DPY19L1: variants seen among roughly 807,000 people sequenced by gnomAD.
The protein encoded by DPY19L1 is dpy-19 like C-mannosyltransferase 1.
In DPY19L1, 35 loss-of-function variants were observed where a neutral mutation model predicts 96.9. The ratio of observed to expected loss-of-function variants is 0.36; its 90% confidence interval spans 0.28 to 0.48. The LOEUF is 0.48. Ranked by LOEUF, DPY19L1 falls within the 20% of genes least tolerant of loss-of-function variation. The pLI is 0.99. For missense variants in DPY19L1, 521 were observed against 777.9 expected (o/e 0.67, Z 3.93); for synonymous variants, 205 against 252.6 (o/e 0.81, Z 1.79).
intron 6 of DPY19L1, among the ~76,000 whole-genome samples, chr7:35,005,532 C>T (rs1313867198): frequency 1.3e-5 from 2 of 150,094 alleles, no homozygotes; most frequent in Non-Finnish European, 1.5e-5. Context: ...GGCACAGTGG[C>T]TCACACCTGT....
chr7:34,994,937 G>A (rs928410469), intron 6 of DPY19L1, among the ~76,000 whole-genome samples: 10 of 152,100 alleles, frequency 6.6e-5, no homozygotes, highest in African/African-American at 1.4e-4. Flanking sequence ...GCAGAGCCAC[G>A]GTGACAACAT....
At chr7:34,999,134 C>T (rs1461772023) in intron 6 of DPY19L1, among the ~76,000 whole-genome samples, 1 of 152,080 alleles carries the variant, frequency 6.6e-6, no homozygotes, top group Non-Finnish European at 1.5e-5. Flanking sequence ...ACAAAGTATG[C>T]GATGAGAAGG....
At chr7:34,935,906 T>C (rs573213173) in intron 21 of DPY19L1, among the ~76,000 whole-genome samples, 8 of 152,198 alleles carry the variant, frequency 5.3e-5, no homozygotes, top group Non-Finnish European at 1.0e-4. Flanking sequence ...TGTGTCAAGG[T>C]TGAAGCAGAG....
At chr7:34,997,298 A>C (rs1413033090) in intron 6 of DPY19L1, among the ~76,000 whole-genome samples, 2 of 142,076 alleles carry the variant, frequency 1.4e-5, no homozygotes, top group Admixed American at 7.1e-5. Context: ...ATATTAATTC[A>C]AAAAAAAAAA....
At chr7:34,932,321 G>A (rs1199769595) in intron 21 of DPY19L1, among the ~76,000 whole-genome samples, 7 of 152,108 alleles carry the variant, frequency 4.6e-5, no homozygotes, top group Non-Finnish European at 8.8e-5. Flanking sequence ...CCAACATCAC[G>A]GCTTAGCCTA....
chr7:35,028,982 A>G (rs1786196812), intron 1 of DPY19L1, among the ~76,000 whole-genome samples: 1 of 152,186 alleles, frequency 6.6e-6, no homozygotes, highest in South Asian at 2.1e-4. Flanking sequence ...GGTCACTTTC[A>G]TCGCCATCTT....
At chr7:34,989,758 G>A in intron 7 of DPY19L1, 126 bp downstream of exon 7, 1 of 747,850 alleles carries the variant, frequency 1.3e-6, no homozygotes, top group Non-Finnish European at 2.1e-6. Flanking sequence ...TCAAATGAAT[G>A]CTAGTGTTTA....
intron 1 of DPY19L1, among the ~76,000 whole-genome samples, chr7:35,033,308 G>C (rs972646616): frequency 1.3e-5 from 2 of 151,926 alleles, no homozygotes; most frequent in Non-Finnish European, 2.9e-5. Context: ...ATCTCAGCTT[G>C]TTTCTTTCCT....
upstream of DPY19L1, chr7:35,037,789 C>T (rs926050871): frequency 6.7e-6 from 8 of 1,202,784 alleles, no homozygotes; most frequent in East Asian, 1.7e-4. Flanking sequence ...AGGCGGGGCC[C>T]GACCCCTCTG....
intron 3 of DPY19L1, among the ~76,000 whole-genome samples, chr7:35,016,049 C>T (rs1386264779): frequency 6.7e-6 from 1 of 149,570 alleles, no homozygotes; most frequent in Non-Finnish European, 1.5e-5. Context: ...AATATAAATT[C>T]ATGATTTCTT....
intron 13 of DPY19L1, among the ~76,000 whole-genome samples, chr7:34,950,379 CT>C (rs1472225849): frequency 6.6e-6 from 1 of 152,198 alleles, no homozygotes. Context: ...TACTTCTTGA[CT>C]GATAATCACC....
intron 15 of DPY19L1, among the ~76,000 whole-genome samples, chr7:34,946,716 G>GCT (rs922381067): frequency 6.6e-5 from 10 of 152,214 alleles, no homozygotes; most frequent in African/African-American, 2.4e-4. Flanking sequence ...AACGATAGGG[G>GCT]AAGGTGCAGA....
At chr7:35,010,132 A>C (rs1785669287) in intron 6 of DPY19L1, among the ~76,000 whole-genome samples, 1 of 151,186 alleles carries the variant, frequency 6.6e-6, no homozygotes, top group Non-Finnish European at 1.5e-5. Flanking sequence ...CAGGAGGCTG[A>C]AGTGGGAGGA....
intron 6 of DPY19L1, among the ~76,000 whole-genome samples, chr7:35,004,960 C>T (rs1375855880): frequency 6.6e-6 from 1 of 152,120 alleles, no homozygotes; most frequent in Non-Finnish European, 1.5e-5. Flanking sequence ...TCCAGAAGAC[C>T]TCCTCAGATG....
chr7:35,033,878 G>A (rs1017745457), intron 1 of DPY19L1, among the ~76,000 whole-genome samples: 5 of 151,912 alleles, frequency 3.3e-5, no homozygotes, highest in East Asian at 1.9e-4. Flanking sequence ...AGACATTTTC[G>A]TTGTCACTAC....
At chr7:34,959,579 C>G (rs183138107) in intron 10 of DPY19L1, among the ~76,000 whole-genome samples, 1 of 152,058 alleles carries the variant, frequency 6.6e-6, no homozygotes, top group East Asian at 1.9e-4. Flanking sequence ...ATAGATGAAG[C>G]TGGAAGCCAT....
rs566243501 is a variant in DPY19L1 at position 34,939,218 on chromosome 7, C to T, written c.1964+58G>A. The T allele has an allele frequency of 3.2e-5, 46 of 1,452,814 alleles. No individual in the cohort carries two copies. The East Asian group carries it at 8.2e-4, about 26-fold the overall frequency. The allele number at this position is 1,452,814 out of a possible 1,614,324, so 90.0% of individuals were successfully genotyped here. On this transcript the variant is annotated intron_variant, in intron 20 of 21. Transcript: ENST00000638088. ...TCCTTATTACTTTGCTGGTGTCCTC[C>T]ACTCACTGTCTGTTTGCATGGGAGG...
rs139389146 is a variant in DPY19L1, at chr7:34,961,772, C to T, written c.1093-3702G>A. On this transcript the variant is annotated intron_variant, in intron 10 of 21. Transcript: ENST00000638088. ...AAATATACAAAGAATTCTTAAAACTCGACAATAAGGAAATGAACAACCCAA... is the reference window on the plus strand; with the variant it reads ...AAATATACAAAGAATTCTTAAAACTTGACAATAAGGAAATGAACAACCCAA... 4.5e-3 allele frequency among the ~76,000 whole-genome samples: 686 copies of T among 151,886 alleles called. 8 individuals carry two copies. Among genetic ancestry groups the T allele is most frequent in the African/African-American group, 0.016 (665 of 41,426 alleles).
chr7:34,955,032 G>A (rs1784348530), intron 12 of DPY19L1, among the ~76,000 whole-genome samples: 1 of 147,832 alleles, frequency 6.8e-6, no homozygotes, highest in South Asian at 2.2e-4. Context: ...AACCACTGCA[G>A]TTAAATTCCC....
Sources: gnomAD v4.1 joint callset for allele counts (sites outside exome capture counted in the v4.1 genomes callset) on GRCh38, gnomAD v4.1.1 for gene constraint, MANE v1.5 for transcripts, NCBI Gene and HGNC (gene_info 2026-07-23, HGNC 2026-07-21) for gene names.